The following PAPPA variants were observed in gnomAD, a reference collection of about 807,000 sequenced individuals.
PAPPA encodes the protein pappalysin 1, also known as pappalysin-1.
PAPPA carries 60 observed loss-of-function variants against 164.0 expected under a neutral mutation model. That is an observed-to-expected ratio of 0.37 (90% CI 0.30 to 0.45). The LOEUF is 0.45. Ranked by LOEUF, PAPPA falls within the 20% of genes least tolerant of loss-of-function variation. The pLI, the probability that PAPPA is intolerant of heterozygous loss-of-function variation, is 1.00. For synonymous variants in PAPPA, 875 were observed against 814.1 expected, an observed-to-expected ratio of 1.07 and a Z score of -1.27; for missense variants, 1,782 against 2,087.3, an observed-to-expected ratio of 0.85 and a Z score of 2.85.
chr9:116,207,183 C>T (rs1356242685), intron 2 of PAPPA, among the ~76,000 whole-genome samples: 1 of 152,154 alleles, frequency 6.6e-6, no homozygotes, highest in African/African-American at 2.4e-5. Context: ...GAAGAAGGTT[C>T]TCTAAGCCTC....
chr9:116,396,412 G>C (rs1846963641), intron 21 of PAPPA, 97 bp from the exon 22 acceptor site: 1 of 744,278 alleles, frequency 1.3e-6, no homozygotes, highest in Non-Finnish European at 2.5e-6. Flanking sequence ...TGAACCTTCT[G>C]CTCCTCAAAT....
At chr9:116,233,245 C>T (rs374041866) in intron 6 of PAPPA, among the ~76,000 whole-genome samples, 5 of 152,186 alleles carry the variant, frequency 3.3e-5, no homozygotes, top group South Asian at 4.1e-4. Context: ...AAAATGACAA[C>T]GATCTTACAG....
chr9:116,396,867 C>T lies in PAPPA; in HGVS notation c.*251C>T. 1 of 502,462 alleles carries T rather than the reference C, an allele frequency of 2.0e-6. No homozygotes were observed. The highest frequency in any genetic ancestry group is 3.6e-6 in the Non-Finnish European group (1 of 281,134). 31.1% of individuals were successfully genotyped at this position (502,462 alleles called of 1,614,324 possible). ...GGATTGCATATACAGTGTGCAGTCC[C>T]AGAGCCTCCTAAAATTCTAGCCATT... On this transcript the variant is annotated 3_prime_UTR_variant, in exon 22 of 22. Transcript: ENST00000328252.
At chr9:116,259,440 T>C (rs1176880163) in intron 7 of PAPPA, among the ~76,000 whole-genome samples, 1 of 152,120 alleles carries the variant, frequency 6.6e-6, no homozygotes, top group Non-Finnish European at 1.5e-5. Context: ...TAAATATACT[T>C]ATGTATTAAT....
chr9:116,396,464 T>G (rs1846964444), intron 21 of PAPPA, 45 bp from the exon 22 acceptor site: 1 of 779,752 alleles, frequency 1.3e-6, no homozygotes, highest in Non-Finnish European at 2.4e-6. Flanking sequence ...TTCTGATCAT[T>G]ACTGCTTCAG....
chr9:116,342,913 G>A (rs1471984744), intron 13 of PAPPA, among the ~76,000 whole-genome samples: 3 of 152,136 alleles, frequency 2.0e-5, no homozygotes, highest in Admixed American at 1.3e-4. Context: ...GCTATTGCAA[G>A]GCATCATCAC....
At chr9:116,383,962 C>T (rs1396489557) in intron 21 of PAPPA, among the ~76,000 whole-genome samples, 2 of 152,116 alleles carry the variant, frequency 1.3e-5, no homozygotes, top group Admixed American at 1.3e-4. Flanking sequence ...CACTTATTAT[C>T]TTAAAAACCA....
At chr9:116,319,251 A>G (rs1588001913) in intron 10 of PAPPA, among the ~76,000 whole-genome samples, 1 of 152,124 alleles carries the variant, frequency 6.6e-6, no homozygotes, top group South Asian at 2.1e-4. Context: ...GCAGCACAAA[A>G]GGCGGCCGCC....
Position 116,389,818 on chromosome 9 carries a change from T to TTTTC in PAPPA, c.4777-6680_4777-6677dup, listed in dbSNP as rs1482464320. On this transcript the variant is annotated intron_variant, in intron 21 of 21. Transcript: ENST00000328252. ...CATTTGCTTTGCCTTCTGTTTTTTT[T>TTTTC]TTTCTTTCTTTCTTCCCTAATACTT... Among the ~76,000 whole-genome samples the TTTTC allele has an allele frequency of 2.0e-5, 3 of 151,926 alleles. No homozygotes were observed. The East Asian group carries it at 5.8e-4, about 29-fold the overall frequency.
intron 9 of PAPPA, among the ~76,000 whole-genome samples, chr9:116,294,258 T>C (rs1267777423): frequency 6.6e-6 from 1 of 152,184 alleles, no homozygotes; most frequent in Non-Finnish European, 1.5e-5. Flanking sequence ...GAGGAATTTC[T>C]GGCCCATGTG....
chr9:116,235,515 C>G lies in PAPPA; in HGVS notation c.2610C>G (p.Thr870=). The part of the protein sequence containing the change: ...EHLEIDAAML[T]STADTPLCLQ... ...TGGAGATCGATGCTGCCATGTTGAC[C>G]TCCACTGCAGACACCCCACTCTGTC... The change falls in exon 7 of 22, where the codon ACC becomes ACG. Residue 870 remains threonine (T), a synonymous_variant. Transcript: ENST00000328252. The G allele has an allele frequency of 1.2e-6, 2 of 1,613,642 alleles. No individual in the cohort carries two copies. Among genetic ancestry groups the G allele is most frequent in the Non-Finnish European group, 8.5e-7 (1 of 1,180,022 alleles).
chr9:116,359,733 G>A (rs989113668), intron 17 of PAPPA, among the ~76,000 whole-genome samples: 5 of 152,202 alleles, frequency 3.3e-5, no homozygotes, highest in Non-Finnish European at 7.3e-5. Flanking sequence ...ATGTGGAGGT[G>A]GGAAAGCAAG....
At position 116,337,331 on chromosome 9, in the gene PAPPA, A is replaced by G. The variant is rs528249665; in HGVS notation, c.3611+2257A>G. Among the ~76,000 whole-genome samples the G allele has an allele frequency of 7.2e-5, 11 of 152,338 alleles. No individual in the cohort carries two copies. The South Asian group carries it at 2.3e-3, about 32-fold the overall frequency. On this transcript the variant is annotated intron_variant, in intron 13 of 21. Coordinates refer to ENST00000328252, the MANE Select transcript of PAPPA (RefSeq NM_002581.5). The stretch of plus-strand genomic sequence containing the variant: ...CTGAGTGCCCCAGTGGGGAAAGGAC[A>G]GCAGCTGTTCATGGGGAGCTAAAGA...
intron 20 of PAPPA, among the ~76,000 whole-genome samples, chr9:116,380,711 C>G (rs1334907248): frequency 6.6e-6 from 1 of 152,226 alleles, no homozygotes; most frequent in African/African-American, 2.4e-5. Context: ...CACACCCACA[C>G]AACTGAGCTC....
chr9:116,371,284 G>T (rs1043521445), intron 19 of PAPPA, among the ~76,000 whole-genome samples: 3 of 152,154 alleles, frequency 2.0e-5, no homozygotes, highest in African/African-American at 7.2e-5. Flanking sequence ...GAGCATGGTG[G>T]CGCACACCTG....
At chr9:116,233,361 G>A (rs1395266147) in intron 6 of PAPPA, among the ~76,000 whole-genome samples, 1 of 152,218 alleles carries the variant, frequency 6.6e-6, no homozygotes, top group Admixed American at 6.5e-5. Flanking sequence ...AGTGATACAT[G>A]TGTGTCAACA....
intron 15 of PAPPA, among the ~76,000 whole-genome samples, chr9:116,349,449 C>T (rs978975496): frequency 2.7e-4 from 41 of 152,190 alleles, no homozygotes; most frequent in African/African-American, 8.4e-4. Flanking sequence ...AGATACAGCC[C>T]TTGCCTTAGG....
chr9:116,262,665 C>T (rs571044372), intron 7 of PAPPA, among the ~76,000 whole-genome samples: 177 of 152,218 alleles, frequency 1.2e-3, no homozygotes, highest in African/African-American at 4.0e-3. Flanking sequence ...GAAAGGATGA[C>T]GTGGAAACTC....
chr9:116,371,982 A>ATTCT (rs1315269935), intron 19 of PAPPA, among the ~76,000 whole-genome samples: 3 of 152,208 alleles, frequency 2.0e-5, no homozygotes, highest in Non-Finnish European at 2.9e-5. Context: ...TATAATTAGA[A>ATTCT]ATCATGAGGC....
Sources: gnomAD v4.1 joint callset for allele counts (sites outside exome capture counted in the v4.1 genomes callset) on GRCh38, gnomAD v4.1.1 for gene constraint, MANE v1.5 for transcripts, NCBI Gene and HGNC (gene_info 2026-07-23, HGNC 2026-07-21) for gene names.